TMEM132D: variants seen among roughly 807,000 people sequenced by gnomAD.
TMEM132D encodes the protein mature OL transmembrane protein.
In TMEM132D, 21 loss-of-function variants were observed where a neutral mutation model predicts 62.3. That is an observed-to-expected ratio of 0.34 (90% CI 0.24 to 0.49). The LOEUF (loss-of-function observed/expected upper bound fraction) is 0.49. Among genes scored for constraint, TMEM132D ranks in the 20% least tolerant of loss-of-function variants. The pLI, the probability that TMEM132D is intolerant of heterozygous loss-of-function variation, is 0.99. For synonymous variants in TMEM132D, 621 were observed against 575.6 expected, an observed-to-expected ratio of 1.08 and a Z score of -1.13; for missense variants, 1,346 against 1,402.8, an observed-to-expected ratio of 0.96 and a Z score of 0.65.
At chr12:129,788,523 A>G (rs535253046) in intron 1 of TMEM132D, among the ~76,000 whole-genome samples, 1 of 152,352 alleles carries the variant, frequency 6.6e-6, no homozygotes, top group South Asian at 2.1e-4. Context: ...ATAAATACAG[A>G]TCATCAAACT....
chr12:129,187,120 G>A (rs1056915706), intron 5 of TMEM132D, among the ~76,000 whole-genome samples: 4 of 152,316 alleles, frequency 2.6e-5, no homozygotes, highest in South Asian at 2.1e-4. Flanking sequence ...TCCTTTGCAG[G>A]AGCATCAAAC....
intron 2 of TMEM132D, among the ~76,000 whole-genome samples, chr12:129,687,592 C>A (rs961995950): frequency 2.6e-5 from 4 of 151,990 alleles, no homozygotes; most frequent in African/African-American, 9.7e-5. Flanking sequence ...TAAGCTTGCC[C>A]AGAGGACATT....
chr12:129,300,301 A>C (rs73422236), intron 4 of TMEM132D, among the ~76,000 whole-genome samples: 9,704 of 152,254 alleles, frequency 0.064, 552 homozygotes, highest in African/African-American at 0.14. Context: ...ATAAGAGGAG[A>C]GGGTTCTGAG....
At chr12:129,260,319 C>T (rs113143803) in intron 4 of TMEM132D, among the ~76,000 whole-genome samples, 189 of 152,200 alleles carry the variant, frequency 1.2e-3, no homozygotes, top group African/African-American at 4.3e-3. Flanking sequence ...AGAGGAGCAA[C>T]CACTTCCTTC....
rs143058685 is a variant in TMEM132D, at chr12:129,416,848, C to T, written c.1116-79031G>A. On this transcript the variant is annotated intron_variant, in intron 3 of 8. Coordinates refer to ENST00000422113, the MANE Select transcript of TMEM132D (RefSeq NM_133448.3). ...CTGTTTATGTGATGGATTATGTTTA[C>T]TGATTTGTGTATATTGAACCAGCCT... Among the ~76,000 whole-genome samples the T allele has an allele frequency of 2.1e-3, 323 of 152,184 alleles. 1 individual carries two copies. Among genetic ancestry groups the T allele is most frequent in the African/African-American group, 7.5e-3 (311 of 41,540 alleles).
At chr12:129,755,832 C>T (rs910518989) in intron 1 of TMEM132D, among the ~76,000 whole-genome samples, 2 of 152,232 alleles carry the variant, frequency 1.3e-5, no homozygotes, top group Non-Finnish European at 1.5e-5. Context: ...TCACCAATGC[C>T]CCATCTATCG....
chr12:129,657,993 C>T lies in TMEM132D; in HGVS notation c.968+41817G>A, dbSNP rs617292. Reference sequence around the variant, plus strand: ...AATCAGACCAATTCTACTAGTGGAACTTATCTTCCAGCAGCTTGGGACAGA... The same window carrying T: ...AATCAGACCAATTCTACTAGTGGAATTTATCTTCCAGCAGCTTGGGACAGA... On this transcript the variant is annotated intron_variant, in intron 2 of 8. Transcript: ENST00000422113. 4.6e-3 allele frequency among the ~76,000 whole-genome samples: 694 copies of T among 152,306 alleles called. 8 individuals carry two copies. Among genetic ancestry groups the T allele is most frequent in the African/African-American group, 0.016 (661 of 41,566 alleles).
intron 1 of TMEM132D, among the ~76,000 whole-genome samples, chr12:129,882,951 C>T (rs533999236): frequency 7.2e-5 from 11 of 152,236 alleles, no homozygotes; most frequent in Non-Finnish European, 1.5e-5. Flanking sequence ...GATGTCTTTC[C>T]CCTAAGTTTG....
chr12:129,131,201 G>GCA (rs916892637), intron 5 of TMEM132D, among the ~76,000 whole-genome samples: 3 of 152,134 alleles, frequency 2.0e-5, no homozygotes. Context: ...AAGTATGTAT[G>GCA]CACACACACA....
chr12:129,715,534 T>C (rs1378112023), intron 1 of TMEM132D, among the ~76,000 whole-genome samples: 6 of 152,214 alleles, frequency 3.9e-5, no homozygotes, highest in Admixed American at 3.9e-4. Flanking sequence ...TTCAAAGTGA[T>C]TCTTGCCTAT....
At chr12:129,238,923 C>A (rs924079415) in intron 4 of TMEM132D, among the ~76,000 whole-genome samples, 1 of 151,678 alleles carries the variant, frequency 6.6e-6, no homozygotes, top group African/African-American at 2.4e-5. Context: ...AAAGCAGTAC[C>A]ATGTTACATT....
intron 5 of TMEM132D, among the ~76,000 whole-genome samples, chr12:129,171,085 G>T (rs910727522): frequency 5.3e-5 from 8 of 152,170 alleles, no homozygotes; most frequent in African/African-American, 1.9e-4. Context: ...TTTCAAAATT[G>T]GAATCATTCC....
Position 129,136,774 on chromosome 12 carries a change from C to CCATCACCAT in TMEM132D, c.1444-52081_1444-52073dup, listed in dbSNP as rs1432778963. Among the ~76,000 whole-genome samples, 14 of 108,404 alleles carry CCATCACCAT rather than the reference C, an allele frequency of 1.3e-4. No individual in the cohort carries two copies. In the East Asian group the frequency reaches 3.0e-3, roughly 23 times the overall value. The allele number at this position is 108,404 out of a possible 152,430, so 71.1% of individuals were successfully genotyped here. Reference sequence around the variant, plus strand: ...ACCTCCACCATCATCACCATCATCACCATCACCATCATCACCATCACCATC... The same window carrying CCATCACCAT: ...ACCTCCACCATCATCACCATCATCACCATCACCATCATCACCATCATCACCATCACCATC... On this transcript the variant is annotated intron_variant, in intron 5 of 8. Coordinates refer to ENST00000422113, the MANE Select transcript of TMEM132D (RefSeq NM_133448.3).
rs144895076 is a variant in TMEM132D, at chr12:129,313,371, T to C, written c.1299+24263A>G. Among the ~76,000 whole-genome samples the C allele has an allele frequency of 7.4e-3, 1,132 of 152,268 alleles. 11 individuals carry two copies. Among genetic ancestry groups the C allele is most frequent in the African/African-American group, 0.026 (1,066 of 41,544 alleles). ...GTCCATTGGATCATCCTTATGCCTT[T>C]GCATCCTCATAGCTTAGCTCCCACA... On this transcript the variant is annotated intron_variant, in intron 4 of 8. Transcript: ENST00000422113.
intron 2 of TMEM132D, among the ~76,000 whole-genome samples, chr12:129,686,955 C>A (rs1281630941): frequency 2.6e-5 from 4 of 152,140 alleles, no homozygotes; most frequent in African/African-American, 4.8e-5. Flanking sequence ...AGCTGTTTTT[C>A]AATCAAATGG....
At chr12:129,215,227 C>T (rs1309926042) in intron 4 of TMEM132D, among the ~76,000 whole-genome samples, 1 of 152,148 alleles carries the variant, frequency 6.6e-6, no homozygotes, top group Admixed American at 6.6e-5. Flanking sequence ...CAACATACCA[C>T]CTGTTCTCGC....
intron 1 of TMEM132D, among the ~76,000 whole-genome samples, chr12:129,800,659 A>C (rs1365258470): frequency 6.6e-6 from 1 of 152,176 alleles, no homozygotes; most frequent in Non-Finnish European, 1.5e-5. Context: ...ACGTCACTGC[A>C]GGATCACTAG....
In TMEM132D at chr12:129,189,285, TC is replaced by T. The variant is rs1307681144; in HGVS notation, c.1443+20234del. On this transcript the variant is annotated intron_variant, in intron 5 of 8. Transcript: ENST00000422113. ...CCAATTCCAGTCTGAAAGTTTGGGA[TC>T]CCAGGCCATTATAGTACCAGATGCT... is the stretch of plus-strand genomic sequence containing the variant. Among the ~76,000 whole-genome samples, 7 of 152,200 alleles carry T rather than the reference TC, an allele frequency of 4.6e-5. No individual in the cohort carries two copies. In the East Asian group the frequency reaches 1.4e-3, roughly 29 times the overall value.
chr12:129,712,083 C>T (rs1397445075), intron 1 of TMEM132D, among the ~76,000 whole-genome samples: 1 of 151,910 alleles, frequency 6.6e-6, no homozygotes, highest in Admixed American at 6.6e-5. Flanking sequence ...AAAAGCTACT[C>T]CGCACAATAT....
Sources: allele counts gnomAD v4.1 joint callset (sites outside exome capture counted in the v4.1 genomes callset), GRCh38; gene constraint gnomAD v4.1.1; transcripts MANE v1.5; gene names NCBI Gene and HGNC (gene_info 2026-07-23, HGNC 2026-07-21).